Variants in CNGB3 observed in about 807,000 individuals in gnomAD.
CNGB3 encodes cyclic nucleotide gated channel subunit beta 3.
Under a neutral mutation model 92.8 loss-of-function variants are expected in CNGB3, and 86 were observed. The ratio of observed to expected loss-of-function variants is 0.93; its 90% CI spans 0.78 to 1.11. The LOEUF (loss-of-function observed/expected upper bound fraction) is 1.11. Among genes scored for constraint, CNGB3 ranks in the 50% least tolerant of loss-of-function variants. The pLI, the probability that CNGB3 is intolerant of heterozygous loss-of-function variation, is 0.00. For synonymous variants in CNGB3, 333 were observed against 332.7 expected, an observed-to-expected ratio of 1.00 and a Z score of -0.01; for missense variants, 1,026 against 956.8, an observed-to-expected ratio of 1.07 and a Z score of -0.95.
chr8:86,695,005 T>C (rs1442656764), intron 3 of CNGB3, among the ~76,000 whole-genome samples: 1 of 152,122 alleles, frequency 6.6e-6, no homozygotes, highest in East Asian at 1.9e-4. Context: ...AGCCTGGGCA[T>C]CATTGAGCAC....
At chr8:86,590,529 G>A (rs1188873637) in intron 15 of CNGB3, among the ~76,000 whole-genome samples, 4 of 151,944 alleles carry the variant, frequency 2.6e-5, no homozygotes, top group Non-Finnish European at 5.9e-5. Flanking sequence ...TTTTAGGGCA[G>A]GCCTGGTGGT....
chr8:86,628,994 A>C lies in CNGB3; in HGVS notation c.1405T>G (p.Tyr469Asp), dbSNP rs35365413. 4.3e-4 allele frequency: 695 copies of C among 1,614,036 alleles called. 1 individual carries two copies. In the African/African-American group the frequency reaches 8.2e-3, roughly 19 times the overall value. Residue 469 changes from tyrosine to aspartate, a missense_variant, in exon 12 of 18, where the codon TAC becomes GAC. By Grantham distance (160) the Tyr-to-Asp change is radical. Transcript: ENST00000320005. ...TTTTGCACAAGTTTAGGAATGGAGT[A>C]ATTGTTCATGTAGGCAATGGTGTCA... ...MDDTIAYMNN[Y>D]SIPKLVQKRV...
intron 4 of CNGB3, among the ~76,000 whole-genome samples, chr8:86,669,912 G>A (rs982905237): frequency 3.3e-5 from 5 of 151,420 alleles, no homozygotes; most frequent in South Asian, 2.1e-4. Context: ...GTGCAGTGGC[G>A]CAATCTTGGC....
At chr8:86,646,149 T>G (rs1025045764) in intron 8 of CNGB3, among the ~76,000 whole-genome samples, 12 of 150,952 alleles carry the variant, frequency 7.9e-5, no homozygotes, top group African/African-American at 2.9e-4. Flanking sequence ...TTTCTGAAAA[T>G]TGTTTATGTC....
chr8:86,669,304 CTT>C (rs1302353213), intron 4 of CNGB3, among the ~76,000 whole-genome samples: 5 of 151,962 alleles, frequency 3.3e-5, no homozygotes, highest in African/African-American at 1.2e-4. Context: ...TGTTGTATAT[CTT>C]AAAGTATACA....
intron 13 of CNGB3, among the ~76,000 whole-genome samples, chr8:86,623,248 C>T (rs1188607257): frequency 6.6e-6 from 1 of 152,138 alleles, no homozygotes; most frequent in African/African-American, 2.4e-5. Flanking sequence ...AACCAAACTG[C>T]CTACATGAAA....
intron 2 of CNGB3, among the ~76,000 whole-genome samples, chr8:86,737,814 G>A (rs911033411): frequency 1.3e-5 from 2 of 152,188 alleles, no homozygotes; most frequent in Non-Finnish European, 2.9e-5. Context: ...TCCCACAAGT[G>A]AGAACATGCG....
intron 15 of CNGB3, among the ~76,000 whole-genome samples, chr8:86,600,706 T>C (rs1822278791): frequency 6.7e-6 from 1 of 149,314 alleles, no homozygotes; most frequent in East Asian, 2.0e-4. Context: ...GCCTCCTGGG[T>C]TCATGCTATT....
chr8:86,728,065 G>A (rs983989451), intron 2 of CNGB3, among the ~76,000 whole-genome samples: 18 of 151,986 alleles, frequency 1.2e-4, no homozygotes, highest in African/African-American at 3.4e-4. Context: ...TTCCCAAGAC[G>A]CTTTTATTCA....
intron 3 of CNGB3, 139 bp downstream of exon 3, chr8:86,726,392 C>T: frequency 8.3e-7 from 1 of 1,205,428 alleles, no homozygotes; most frequent in Non-Finnish European, 1.2e-6. Context: ...TTAGTTCTGA[C>T]ACAGTTTTTT....
At chr8:86,647,362 T>C (rs1220702390) in intron 8 of CNGB3, among the ~76,000 whole-genome samples, 1 of 149,556 alleles carries the variant, frequency 6.7e-6, no homozygotes, top group African/African-American at 2.4e-5. Context: ...TATGTTTACA[T>C]TTTTTTTTAG....
chr8:86,664,525 A>G (rs1303799630), intron 6 of CNGB3, among the ~76,000 whole-genome samples: 1 of 152,170 alleles, frequency 6.6e-6, no homozygotes, highest in Non-Finnish European at 1.5e-5. Context: ...TTAGCTGGGG[A>G]AGGGGCTTGG....
intron 3 of CNGB3, among the ~76,000 whole-genome samples, chr8:86,681,111 C>T (rs1490486092): frequency 6.6e-6 from 1 of 151,978 alleles, no homozygotes. Context: ...ATGAGAAGCA[C>T]TGAAGAAAAC....
intron 17 of CNGB3, 48 bp from the exon 18 acceptor site, chr8:86,576,178 A>C: frequency 6.3e-7 from 1 of 1,588,348 alleles, no homozygotes. Flanking sequence ...GTAATTAAAA[A>C]CATTGGATTA....
chr8:86,738,506 A>G (rs1825284036), intron 2 of CNGB3, among the ~76,000 whole-genome samples: 1 of 152,126 alleles, frequency 6.6e-6, no homozygotes, highest in African/African-American at 2.4e-5. Flanking sequence ...ATAAGCTACT[A>G]ATAAGGGCCC....
rs1821637064 is a variant in CNGB3, at chr8:86,575,263, A to T, written c.*541T>A. 6.6e-6 allele frequency: 1 copy of T among 152,230 alleles called. No individual in the cohort carries two copies. The highest frequency in any genetic ancestry group is 1.5e-5 in the Non-Finnish European group (1 of 68,076). 9.4% of individuals were successfully genotyped at this position (152,230 alleles called of 1,614,324 possible). A position where few individuals can be genotyped will look rare whatever the true frequency, so the allele number is the denominator to read the frequency against. On this transcript the variant is annotated 3_prime_UTR_variant, in exon 18 of 18. Transcript: ENST00000320005. ...AGCTTCATGATCTCTGCTTCCCTTCAGTCCCAGCTGCTGGGGATTTTTTGA... is the reference window on the plus strand; with the variant it reads ...AGCTTCATGATCTCTGCTTCCCTTCTGTCCCAGCTGCTGGGGATTTTTTGA...
At chr8:86,699,180 C>A (rs1455827678) in intron 3 of CNGB3, among the ~76,000 whole-genome samples, 2 of 152,206 alleles carry the variant, frequency 1.3e-5, no homozygotes, top group Non-Finnish European at 2.9e-5. Context: ...TTTTCAAGAT[C>A]CTTACAATTT....
intron 3 of CNGB3, among the ~76,000 whole-genome samples, chr8:86,684,626 T>C (rs946879624): frequency 1.4e-5 from 2 of 147,432 alleles, no homozygotes; most frequent in Admixed American, 6.9e-5. Context: ...GGTTAAACTG[T>C]GGTAAGTTCA....
chr8:86,654,238 A>G (rs1434467911), intron 6 of CNGB3, among the ~76,000 whole-genome samples, 176 bp from the exon 7 acceptor site: 1 of 152,076 alleles, frequency 6.6e-6, no homozygotes, highest in Non-Finnish European at 1.5e-5. Flanking sequence ...TCTTCTTACT[A>G]TTGCCCTATT....
Sources: allele counts gnomAD v4.1 joint callset (sites outside exome capture counted in the v4.1 genomes callset), GRCh38; gene constraint gnomAD v4.1.1; transcripts MANE v1.5; gene names NCBI Gene and HGNC (gene_info 2026-07-23, HGNC 2026-07-21).